CDH18: variants seen among roughly 807,000 people sequenced by gnomAD.
CDH18 encodes cadherin 18.
A neutral mutation model predicts 67.9 loss-of-function variants in CDH18; 31 were observed. The observed-to-expected ratio is 0.46, with a 90% CI of 0.34 to 0.62. The LOEUF is 0.62. CDH18 is among the 20% of genes least tolerant of loss of function. CDH18 has a pLI of 0.01. For synonymous variants in CDH18, 362 were observed against 347.2 expected (o/e 1.04, Z -0.48); for missense variants, 890 against 975.5 (o/e 0.91, Z 1.17).
chr5:20,122,327 T>A (rs1375202743), intron 2 of CDH18, among the ~76,000 whole-genome samples: 2 of 152,176 alleles, frequency 1.3e-5, no homozygotes, highest in South Asian at 2.1e-4. Flanking sequence ...TTTCTCTATG[T>A]TTTTTGTAAA....
intron 4 of CDH18, among the ~76,000 whole-genome samples, chr5:19,730,919 A>G (rs1173581274): frequency 6.6e-6 from 1 of 152,200 alleles, no homozygotes; most frequent in Non-Finnish European, 1.5e-5. Context: ...GGAGAGAATA[A>G]ACATCAGAAG....
intron 2 of CDH18, among the ~76,000 whole-genome samples, chr5:20,167,139 A>C (rs1736355724): frequency 6.6e-6 from 1 of 152,174 alleles, no homozygotes; most frequent in Non-Finnish European, 1.5e-5. Flanking sequence ...ATTATCAAAA[A>C]TTATTGTTAT....
intron 2 of CDH18, among the ~76,000 whole-genome samples, chr5:20,197,724 T>C (rs1374717286): frequency 1.3e-5 from 2 of 152,212 alleles, no homozygotes; most frequent in Admixed American, 6.5e-5. Flanking sequence ...GAGCATTATG[T>C]GTTACATTGT....
chr5:20,029,987 G>T (rs1271163619), intron 2 of CDH18, among the ~76,000 whole-genome samples: 1 of 152,146 alleles, frequency 6.6e-6, no homozygotes, highest in East Asian at 1.9e-4. Flanking sequence ...GTAGGATTGA[G>T]GTATTGTTTT....
At chr5:20,001,959 CTCTG>C (rs1736477365) in intron 2 of CDH18, among the ~76,000 whole-genome samples, 1 of 152,160 alleles carries the variant, frequency 6.6e-6, no homozygotes. Context: ...CATTGTCCTT[CTCTG>C]TCTATCTAAA....
intron 1 of CDH18, among the ~76,000 whole-genome samples, chr5:20,264,078 A>T (rs1744857334): frequency 6.6e-6 from 1 of 152,112 alleles, no homozygotes; most frequent in Non-Finnish European, 1.5e-5. Flanking sequence ...CCTCAAATGC[A>T]ATCAATTCAA....
intron 2 of CDH18, among the ~76,000 whole-genome samples, chr5:20,049,398 T>C (rs776149922): frequency 7.9e-5 from 12 of 151,572 alleles, no homozygotes; most frequent in Non-Finnish European, 1.3e-4. Context: ...AAATAACTAA[T>C]AGGTACTAGA....
At chr5:20,069,791 GC>G (rs1334801265) in intron 2 of CDH18, among the ~76,000 whole-genome samples, 1 of 152,124 alleles carries the variant, frequency 6.6e-6, no homozygotes, top group African/African-American at 2.4e-5. Flanking sequence ...TACAGAGATT[GC>G]CCATATACCT....
In CDH18 at chr5:19,483,286, T is replaced by C; in HGVS notation, c.1882+15A>G. Reference sequence around the variant, plus strand: ...GAATTGCCATCATGCAAACTTAGGGTTTAGAATGACTTACCCAGGAGAATG... The same window carrying C: ...GAATTGCCATCATGCAAACTTAGGGCTTAGAATGACTTACCCAGGAGAATG... On this transcript the variant is annotated intron_variant, in intron 12 of 12. Coordinates refer to ENST00000382275, the MANE Select transcript of CDH18 (RefSeq NM_004934.5). 1.2e-6 allele frequency: 2 copies of C among 1,602,500 alleles called. No individual in the cohort carries two copies. Among genetic ancestry groups the C allele is most frequent in the Non-Finnish European group, 1.7e-6 (2 of 1,173,814 alleles).
At chr5:20,405,908 G>A (rs1378958064) in intron 1 of CDH18, among the ~76,000 whole-genome samples, 1 of 152,112 alleles carries the variant, frequency 6.6e-6, no homozygotes, top group Non-Finnish European at 1.5e-5. Context: ...AGTTAGAATG[G>A]CGATCATTAA....
At chr5:20,061,879 A>G (rs572704029) in intron 2 of CDH18, among the ~76,000 whole-genome samples, 3 of 152,180 alleles carry the variant, frequency 2.0e-5, no homozygotes, top group African/African-American at 4.8e-5. Flanking sequence ...CATCTTAGAG[A>G]TCATGTCCTG....
At chr5:20,317,316 G>A (rs933472246) in intron 1 of CDH18, among the ~76,000 whole-genome samples, 2 of 151,832 alleles carry the variant, frequency 1.3e-5, no homozygotes, top group African/African-American at 4.8e-5. Flanking sequence ...TCTTTGACTT[G>A]GAAGAAAAAT....
intron 2 of CDH18, among the ~76,000 whole-genome samples, chr5:19,965,042 A>G (rs1249064225): frequency 2.0e-5 from 3 of 152,208 alleles, no homozygotes; most frequent in African/African-American, 7.2e-5. Context: ...GTACTTATAG[A>G]GTACATTTGC....
At position 19,522,894 on chromosome 5, in the gene CDH18, C is replaced by CAAAAAAAAA. The variant is rs36099222; in HGVS notation, c.1391-2125_1391-2117dup. ...TGAGTGACAGAGTGAGACTCCTTCT[C>CAAAAAAAAA]AAAAAAAAAAAAAAAAAAAAAAGGA... is the stretch of plus-strand genomic sequence containing the variant. On this transcript the variant is annotated intron_variant, in intron 9 of 12. Coordinates refer to ENST00000382275, the MANE Select transcript of CDH18 (RefSeq NM_004934.5). 2.4e-5 allele frequency among the ~76,000 whole-genome samples: 2 copies of CAAAAAAAAA among 83,876 alleles called. 1 individual carries two copies. Among genetic ancestry groups the CAAAAAAAAA allele is most frequent in the African/African-American group, 9.5e-5 (2 of 21,148 alleles). The allele number at this position is 83,876 out of a possible 152,430, so 55.0% of individuals were successfully genotyped here.
chr5:20,088,033 C>T (rs1013569871), intron 2 of CDH18, among the ~76,000 whole-genome samples: 2 of 152,106 alleles, frequency 1.3e-5, no homozygotes, highest in Non-Finnish European at 2.9e-5. Flanking sequence ...CTAGATTGTT[C>T]TAACAATGTA....
At chr5:20,208,943 T>C (rs1740131904) in intron 2 of CDH18, among the ~76,000 whole-genome samples, 1 of 152,028 alleles carries the variant, frequency 6.6e-6, no homozygotes, top group Admixed American at 6.6e-5. Context: ...GCAAAAGCTC[T>C]GAATAGATAT....
chr5:20,349,642 A>G (rs1279495012), intron 1 of CDH18, among the ~76,000 whole-genome samples: 3 of 152,160 alleles, frequency 2.0e-5, no homozygotes, highest in Admixed American at 1.3e-4. Context: ...GGGAATACAC[A>G]AAGATTACAA....
rs147637372 is a variant in CDH18, at chr5:19,854,158, C to A, written c.-256-14916G>T. On this transcript the variant is annotated intron_variant, in intron 2 of 12. Coordinates refer to ENST00000382275, the MANE Select transcript of CDH18 (RefSeq NM_004934.5). ...TTTTGGAAGGGCTTTTAAACATATT[C>A]ATGAATACCATCAACCTTACTCATG... Among the ~76,000 whole-genome samples, 422 of 152,162 alleles carry A rather than the reference C, an allele frequency of 2.8e-3. 1 individual carries two copies. The highest frequency in any genetic ancestry group is 9.6e-3 in the African/African-American group (399 of 41,514).
intron 2 of CDH18, among the ~76,000 whole-genome samples, chr5:19,959,149 A>C (rs2150294333): frequency 6.6e-6 from 1 of 152,222 alleles, no homozygotes; most frequent in Admixed American, 6.5e-5. Flanking sequence ...GAAAAAGAAA[A>C]GTAGAAAAAG....
Sources: allele counts gnomAD v4.1 joint callset (sites outside exome capture counted in the v4.1 genomes callset), GRCh38; gene constraint gnomAD v4.1.1; transcripts MANE v1.5; gene names NCBI Gene and HGNC (gene_info 2026-07-23, HGNC 2026-07-21).